Variants in TTN observed in about 807,000 individuals in gnomAD.
The protein encoded by TTN is connectin.
Under a neutral mutation model 3,223.0 loss-of-function variants are expected in TTN, and 1,525 were observed. The observed-to-expected ratio is 0.47, with a 90% confidence interval of 0.45 to 0.49. TTN has a LOEUF of 0.49. Among genes scored for constraint, TTN ranks in the 20% least tolerant of loss-of-function variants. The pLI, the probability that TTN is intolerant of heterozygous loss-of-function variation, is 0.00. For synonymous variants in TTN, 14,094 were observed against 15,161.0 expected (o/e 0.93, Z 5.17); for missense variants, 40,786 against 43,424.0 (o/e 0.94, Z 5.40).
rs397517788 is a variant in TTN at position 178,532,669 on chromosome 2, C to T, written c.103946G>A (p.Arg34649Gln). Residue 34649 changes from arginine (R) to glutamine (Q), a missense_variant, in exon 358 of 363, where the codon CGA becomes CAA. Transcript: ENST00000589042. ...TPSPDYDFYY[R>Q]PRRRSLGDIS... ...GTCCCCAAGAGAACGTCTTCTAGGT[C>T]GGTAGTAAAAGTCATAATCAGGAGA... 2.0e-5 allele frequency: 33 copies of T among 1,613,764 alleles called. No homozygotes were observed. Among genetic ancestry groups the T allele is most frequent in the Non-Finnish European group, 2.2e-5 (26 of 1,179,864 alleles).
At position 178,781,249 on chromosome 2, in the gene TTN, T is replaced by A; in HGVS notation, c.3395A>T (p.Tyr1132Phe). ...LTTGYRYKVSYNKQTGECKLV... is the reference protein window; with the variant it reads ...LTTGYRYKVSFNKQTGECKLV... ...CTTGCATTCACCGGTTTGTTTGTTG[T>A]AACTCACTTTGTATCTTTATGTAAA... Residue 1132 changes from tyrosine (Y) to phenylalanine (F), a missense_variant, in exon 21 of 363, where the codon TAC becomes TTC. Coordinates refer to ENST00000589042, the MANE Select transcript of TTN (RefSeq NM_001267550.2). 1 of 1,613,994 alleles carries A rather than the reference T, an allele frequency of 6.2e-7. No homozygotes were observed. The highest frequency in any genetic ancestry group is 8.5e-7 in the Non-Finnish European group (1 of 1,179,922).
At chr2:178,627,693 A>AT (rs978170858) in intron 240 of TTN, among the ~76,000 whole-genome samples, 7 of 151,968 alleles carry the variant, frequency 4.6e-5, no homozygotes, top group African/African-American at 1.7e-4. Flanking sequence ...TGTGAATAAG[A>AT]TTTTTAGGAG....
Position 178,589,690 on chromosome 2 carries a change from C to A in TTN, c.62035G>T (p.Asp20679Tyr). The stretch of plus-strand genomic sequence containing the variant: ...AGATAGACAAATGTCTTTCCTTTAT[C>A]TGCAATGTGAAGGTTTTCAGGCTCA... ...PGEPENLHIA[D>Y]KGKTFVYLKW... Residue 20679 changes from aspartate to tyrosine, a missense_variant, in exon 304 of 363, where the codon GAT becomes TAT. Coordinates refer to ENST00000589042, the MANE Select transcript of TTN (RefSeq NM_001267550.2). The A allele has an allele frequency of 1.9e-6, 3 of 1,613,526 alleles. No individual in the cohort carries two copies. The highest frequency in any genetic ancestry group is 4.5e-5 in the East Asian group (2 of 44,790).
chr2:178,583,009 C>T lies in TTN; in HGVS notation c.65794G>A (p.Gly21932Arg), dbSNP rs373636513. The stretch of plus-strand genomic sequence containing the variant: ...TTTTCAGCAGTAATGGTATAGTCTC[C>T]TGAGTCCTTCCGGTTCACGCTGAAT... ...ELFSVNRKDSGDYTITAENSS... is the reference protein window; with the variant it reads ...ELFSVNRKDSRDYTITAENSS... The change falls in exon 313 of 363, where the codon GGA becomes AGA. Residue 21932 changes from glycine to arginine, a missense_variant. Physicochemically the swap from Gly to Arg is moderately radical, Grantham distance 125 (BLOSUM62 -2). Transcript: ENST00000589042. 34 of 1,604,246 alleles carry T rather than the reference C, an allele frequency of 2.1e-5. No homozygotes were observed. In the South Asian group the frequency reaches 2.2e-4, roughly 11 times the overall value.
Position 178,702,299 on chromosome 2 carries a change from TCTTTA to T in TTN, c.30434-59_30434-55del. 3 of 1,610,826 alleles carry T rather than the reference TCTTTA, an allele frequency of 1.9e-6. No homozygotes were observed. In the Admixed American group the frequency reaches 5.0e-5, roughly 27 times the overall value. ...TTTCTGATATGTTGCAAATAACACT[TCTTTA>T]CTTCAATATACGTATGTGTTTATTT... On this transcript the variant is annotated intron_variant, in intron 107 of 362. Transcript: ENST00000589042.
chr2:178,732,713 G>C lies in TTN; in HGVS notation c.16348C>G (p.Pro5450Ala), dbSNP rs763896243. 1.3e-6 allele frequency: 2 copies of C among 1,589,006 alleles called. No homozygotes were observed. Among genetic ancestry groups the C allele is most frequent in the South Asian group, 2.3e-5 (2 of 86,904 alleles). The part of the protein sequence containing the change: ...SSGALIVQEP[P>A]SFVTKPGSKD... ...GAGCCGGGTTTAGTTACAAAACTGGGTGGTTCTGAAGAAGGGGTATAAGAA... is the reference window on the plus strand; with the variant it reads ...GAGCCGGGTTTAGTTACAAAACTGGCTGGTTCTGAAGAAGGGGTATAAGAA... The change falls in exon 56 of 363, where the codon CCC becomes GCC. Residue 5450 changes from proline (P) to alanine (A), a missense_variant. Physicochemically the swap from Pro to Ala is conservative, Grantham distance 27 (BLOSUM62 -1). Transcript: ENST00000589042.
chr2:178,613,140 CAAA>C lies in TTN; in HGVS notation c.49648+18_49648+20del. On this transcript the variant is annotated intron_variant, in intron 264 of 362. Coordinates refer to ENST00000589042, the MANE Select transcript of TTN (RefSeq NM_001267550.2). Reference sequence around the variant, plus strand: ...GTTCATATGAACTTCGAAATAACCACAAAAATTATATAAATAATACCTATGGGA... The same window carrying C: ...GTTCATATGAACTTCGAAATAACCACAATTATATAAATAATACCTATGGGA... 6.2e-7 allele frequency: 1 copy of C among 1,606,992 alleles called. No homozygotes were observed. Among genetic ancestry groups the C allele is most frequent in the Non-Finnish European group, 8.5e-7 (1 of 1,177,680 alleles).
At position 178,771,245 on chromosome 2, in the gene TTN, G is replaced by A. The variant is rs746920261; in HGVS notation, c.8082C>T (p.Ala2694=). Residue 2694 remains alanine, a synonymous_variant, in exon 34 of 363, where the codon GCC becomes GCT. Coordinates refer to ENST00000589042, the MANE Select transcript of TTN (RefSeq NM_001267550.2). Reference sequence around the variant, plus strand: ...TGAGTTTGGCAGATGTTTTGGAGGTGGCCACCTTGTAGGTATATTCTCCAA... The same window carrying A: ...TGAGTTTGGCAGATGTTTTGGAGGTAGCCACCTTGTAGGTATATTCTCCAA... ...DDIGEYTYKV[A]TSKTSAKLKV... The A allele has an allele frequency of 1.2e-6, 2 of 1,614,078 alleles. No homozygotes were observed. Among genetic ancestry groups the A allele is most frequent in the Middle Eastern group, 1.7e-4 (1 of 6,040 alleles).
At position 178,681,647 on chromosome 2, in the gene TTN, T is replaced by G; in HGVS notation, c.33172+14A>C. 1.2e-6 allele frequency: 2 copies of G among 1,601,352 alleles called. No homozygotes were observed. The highest frequency in any genetic ancestry group is 1.7e-6 in the Non-Finnish European group (2 of 1,176,246). On this transcript the variant is annotated intron_variant, in intron 136 of 362. Transcript: ENST00000589042. ...AAAGATCTCTTACAGGTAATAATGT[T>G]TTTTTCACTCTACCTTTAGCCGGTG...
chr2:178,626,586 TTTAA>T (rs900280608), intron 240 of TTN, among the ~76,000 whole-genome samples: 9 of 152,120 alleles, frequency 5.9e-5, no homozygotes, highest in East Asian at 1.9e-4. Context: ...AAGTGTTTTC[TTTAA>T]TTAAGAACTG....
intron 218 of TTN, among the ~76,000 whole-genome samples, chr2:178,643,324 C>G (rs2061484954): frequency 6.6e-6 from 1 of 151,636 alleles, no homozygotes; most frequent in East Asian, 1.9e-4. Context: ...AAATTTAAAC[C>G]TACAATAGGC....
At position 178,571,406 on chromosome 2, in the gene TTN, G is replaced by A; in HGVS notation, c.74726C>T (p.Pro24909Leu). ...PTVAQYPFKVPGPPGTPVVTL... is the reference protein window; with the variant it reads ...PTVAQYPFKVLGPPGTPVVTL... ...GACAACTGGAGTGCCAGGAGGACCA[G>A]GAACTTTGAATGGATATTGGGCTAC... Residue 24909 changes from proline to leucine, a missense_variant, in exon 326 of 363, where the codon CCT (proline) becomes CTT (leucine). Coordinates refer to ENST00000589042, the MANE Select transcript of TTN (RefSeq NM_001267550.2). 1 of 1,613,442 alleles carries A rather than the reference G, an allele frequency of 6.2e-7. No homozygotes were observed. The highest frequency in any genetic ancestry group is 1.1e-5 in the South Asian group (1 of 91,064).
rs727504196 is a variant in TTN at position 178,618,770 on chromosome 2, A to G, written c.46780T>C (p.Tyr15594His). The change falls in exon 251 of 363, where the codon TAC becomes CAC. Residue 15594 changes from tyrosine (Y) to histidine (H), a missense_variant. Coordinates refer to ENST00000589042, the MANE Select transcript of TTN (RefSeq NM_001267550.2). ...PLTMVVPYDAYPKAEAEWFKE... is the reference protein window; with the variant it reads ...PLTMVVPYDAHPKAEAEWFKE... ...AACCATTCAGCTTCTGCTTTGGGGTAGGCATCATATGGCACCACCATTGTC... is the reference window on the plus strand; with the variant it reads ...AACCATTCAGCTTCTGCTTTGGGGTGGGCATCATATGGCACCACCATTGTC... 38 of 1,611,488 alleles carry G rather than the reference A, an allele frequency of 2.4e-5. No homozygotes were observed. Among genetic ancestry groups the G allele is most frequent in the Non-Finnish European group, 3.2e-5 (38 of 1,178,736 alleles).
intron 71 of TTN, chr2:178,725,149 G>A: frequency 4.6e-6 from 2 of 433,736 alleles, no homozygotes; most frequent in South Asian, 9.8e-5. Context: ...GATATAGACA[G>A]GTAGTTATTA....
At chr2:178,630,192 T>G in intron 239 of TTN, 49 bp downstream of exon 239, 1 of 1,607,896 alleles carries the variant, frequency 6.2e-7, no homozygotes, top group Non-Finnish European at 8.5e-7. Context: ...CACATTCATT[T>G]TCTGAAAAAG....
Position 178,575,196 on chromosome 2 carries a change from TG to T in TTN, c.70935del (p.Ala23647LeufsTer19). On this transcript the variant is annotated frameshift_variant, in exon 326 of 363. Coordinates refer to ENST00000589042, the MANE Select transcript of TTN (RefSeq NM_001267550.2). LOFTEE classifies it high-confidence loss of function. This position sits in a 1 kb window ranked among gnomAD's most constrained non-coding sequence, Gnocchi z 4.0. ...TCAACTTTGATGTTGTCACCAGCTT[TG>T]GCAATGACCAGTTTCTGATAGATGC... ...LRGIYQKLVI[A>X]KAGDNIKVEI... 1 of 1,612,874 alleles carries T rather than the reference TG, an allele frequency of 6.2e-7. No homozygotes were observed. The highest frequency in any genetic ancestry group is 8.5e-7 in the Non-Finnish European group (1 of 1,179,434).
chr2:178,769,999 A>C, intron 36 of TTN, 60 bp from the exon 37 acceptor site: 1 of 1,614,168 alleles, frequency 6.2e-7, no homozygotes, highest in East Asian at 2.2e-5. Flanking sequence ...AGATGAAACC[A>C]AACAAATAGA....
Position 178,724,540 on chromosome 2 carries a change from T to C in TTN, c.20837-2A>G. ...CCTTCTCAACAATGACTGCGGGCTC[T>C]GAAATAAAACGTGATATCCATCTGT... On this transcript the variant is annotated splice_acceptor_variant, in intron 71 of 362. Transcript: ENST00000589042. LOFTEE classifies it high-confidence loss of function. The C allele has an allele frequency of 1.9e-6, 3 of 1,577,750 alleles. No homozygotes were observed. The highest frequency in any genetic ancestry group is 2.6e-6 in the Non-Finnish European group (3 of 1,159,610).
chr2:178,669,647 T>G lies in TTN; in HGVS notation c.35415A>C (p.Pro11805=). ...GAACAGCTTCACGAACTTTTTCTTC[T>G]GGGACAATTTTCTTGGGTACTTCGG... The part of the protein sequence containing the change: ...KAPEVPKKIV[P]EEKVREAVLK... Residue 11805 remains proline (P), a synonymous_variant, in exon 158 of 363, where the codon CCA becomes CCC. Transcript: ENST00000589042. 1 of 1,612,490 alleles carries G rather than the reference T, an allele frequency of 6.2e-7. No individual in the cohort carries two copies. The highest frequency in any genetic ancestry group is 8.5e-7 in the Non-Finnish European group (1 of 1,179,650).
Sources: allele counts gnomAD v4.1 joint callset (sites outside exome capture counted in the v4.1 genomes callset), GRCh38; gene constraint gnomAD v4.1.1; non-coding constraint Gnocchi (gnomAD v3.1); transcripts MANE v1.5; gene names NCBI Gene and HGNC (gene_info 2026-07-23, HGNC 2026-07-21).